HS3ST5: variants seen among roughly 807,000 people sequenced by gnomAD.
The protein encoded by HS3ST5 is heparan sulfate-glucosamine 3-sulfotransferase 5.
HS3ST5 carries 10 observed loss-of-function variants against 25.4 expected under a neutral mutation model. The ratio of observed to expected loss-of-function variants is 0.39; its 90% CI spans 0.24 to 0.67. The LOEUF is 0.67. Ranked by LOEUF, HS3ST5 falls within the 30% of genes least tolerant of loss-of-function variation. The pLI is 0.44. For missense variants in HS3ST5, 324 were observed against 420.7 expected (o/e 0.77, Z 2.01); for synonymous variants, 170 against 162.4 (o/e 1.05, Z -0.36).
At chr6:114,064,506 A>G (rs1410179252) in intron 3 of HS3ST5, among the ~76,000 whole-genome samples, 2 of 152,216 alleles carry the variant, frequency 1.3e-5, no homozygotes, top group African/African-American at 4.8e-5. Context: ...GGAATGTACT[A>G]TGTGAATTGC....
chr6:114,066,279 T>C (rs1773441950), intron 3 of HS3ST5, among the ~76,000 whole-genome samples: 1 of 152,236 alleles, frequency 6.6e-6, no homozygotes. Context: ...TATGGCAAGT[T>C]TGCAGAGCCT....
intron 3 of HS3ST5, among the ~76,000 whole-genome samples, chr6:114,124,276 C>G (rs549308896): frequency 1.3e-5 from 2 of 152,266 alleles, no homozygotes; most frequent in Non-Finnish European, 1.5e-5. Flanking sequence ...AGTCCCAACC[C>G]AGGTCAGACC....
chr6:114,107,140 G>A (rs1196096321), intron 3 of HS3ST5, among the ~76,000 whole-genome samples: 2 of 152,018 alleles, frequency 1.3e-5, no homozygotes, highest in African/African-American at 2.4e-5. Context: ...CTTCCCAAAA[G>A]TTTTATATTC....
At chr6:114,191,142 A>G (rs1780482029) in intron 2 of HS3ST5, among the ~76,000 whole-genome samples, 1 of 152,172 alleles carries the variant, frequency 6.6e-6, no homozygotes, top group Non-Finnish European at 1.5e-5. Flanking sequence ...TAGACTCACA[A>G]AAGGATCCCA....
chr6:114,309,314 G>GT (rs1775433709), intron 1 of HS3ST5, among the ~76,000 whole-genome samples: 1 of 152,158 alleles, frequency 6.6e-6, no homozygotes, highest in African/African-American at 2.4e-5. Context: ...GCAGTAATAG[G>GT]TAAAAACCTC....
chr6:114,250,386 C>G (rs1279568915), intron 1 of HS3ST5, among the ~76,000 whole-genome samples: 2 of 152,112 alleles, frequency 1.3e-5, no homozygotes, highest in Non-Finnish European at 2.9e-5. Context: ...TCGAGACCAT[C>G]CTGGCTAACA....
intron 2 of HS3ST5, among the ~76,000 whole-genome samples, chr6:114,197,123 TCTTTC>T (rs1405618357): frequency 7.5e-6 from 1 of 133,100 alleles, no homozygotes; most frequent in South Asian, 2.2e-4. Context: ...TTTCTTTCTT[TCTTTC>T]TTTTTTTTTT....
chr6:114,067,669 G>C (rs995694391), intron 3 of HS3ST5, among the ~76,000 whole-genome samples: 3 of 152,102 alleles, frequency 2.0e-5, no homozygotes, highest in Non-Finnish European at 4.4e-5. Context: ...CCAGCATTTT[G>C]TTTGCAAGGC....
At chr6:114,328,542 CT>C (rs1776264673) in intron 1 of HS3ST5, among the ~76,000 whole-genome samples, 1 of 152,158 alleles carries the variant, frequency 6.6e-6, no homozygotes, top group Non-Finnish European at 1.5e-5. Context: ...GTCTTTCTTT[CT>C]TTTTGTAAAA....
intron 1 of HS3ST5, among the ~76,000 whole-genome samples, chr6:114,241,412 C>A (rs531646472): frequency 2.4e-4 from 36 of 152,188 alleles, no homozygotes; most frequent in African/African-American, 8.4e-4. Context: ...ACTTCTGAAG[C>A]AATGTTCTCC....
chr6:114,102,875 G>T (rs1477238528), intron 3 of HS3ST5, among the ~76,000 whole-genome samples: 1 of 151,998 alleles, frequency 6.6e-6, no homozygotes, highest in African/African-American at 2.4e-5. Flanking sequence ...TCCAGACCAA[G>T]ATAAAATTTT....
intron 1 of HS3ST5, among the ~76,000 whole-genome samples, chr6:114,339,483 AC>A (rs1301001224): frequency 3.3e-5 from 5 of 152,170 alleles, no homozygotes; most frequent in African/African-American, 1.2e-4. Flanking sequence ...TTTTTAAAAA[AC>A]GTTACTGTTT....
intron 1 of HS3ST5, among the ~76,000 whole-genome samples, chr6:114,320,889 A>G (rs1775938008): frequency 6.8e-6 from 1 of 148,138 alleles, no homozygotes; most frequent in Admixed American, 6.8e-5. Flanking sequence ...AGTACATAGG[A>G]AGTGCTCTCT....
intron 3 of HS3ST5, among the ~76,000 whole-genome samples, chr6:114,105,937 T>A (rs181263592): frequency 1.3e-3 from 195 of 152,282 alleles, no homozygotes; most frequent in African/African-American, 4.4e-3. Context: ...CTTTTACAAA[T>A]GGATTTGACT....
intron 3 of HS3ST5, among the ~76,000 whole-genome samples, chr6:114,167,169 T>C (rs1050095480): frequency 1.3e-5 from 2 of 152,190 alleles, no homozygotes; most frequent in African/African-American, 2.4e-5. Flanking sequence ...ATAAATGTTA[T>C]TGTTATCAAT....
At chr6:114,242,072 G>A (rs1049650080) in intron 1 of HS3ST5, among the ~76,000 whole-genome samples, 3 of 152,008 alleles carry the variant, frequency 2.0e-5, no homozygotes, top group Non-Finnish European at 2.9e-5. Flanking sequence ...AATTCAATTC[G>A]TAGTCTATAA....
chr6:114,090,697 A>G (rs2114792716), intron 3 of HS3ST5, among the ~76,000 whole-genome samples: 1 of 152,366 alleles, frequency 6.6e-6, no homozygotes, highest in Non-Finnish European at 1.5e-5. Context: ...CAACGAAATA[A>G]AGTGAAGCAA....
chr6:114,252,885 A>ATTT (rs200398338), intron 1 of HS3ST5, among the ~76,000 whole-genome samples: 1 of 147,766 alleles, frequency 6.8e-6, no homozygotes, highest in Non-Finnish European at 1.5e-5. Context: ...TGGTAACCAC[A>ATTT]TTTTTTTTTT....
At chr6:114,169,186 C>T (rs894777422) in intron 2 of HS3ST5, among the ~76,000 whole-genome samples, 2 of 152,140 alleles carry the variant, frequency 1.3e-5, no homozygotes, top group Admixed American at 6.6e-5. Context: ...CATCATTTCA[C>T]TAATATATAT....
Sources: gnomAD v4.1 joint callset for allele counts (sites outside exome capture counted in the v4.1 genomes callset) on GRCh38, gnomAD v4.1.1 for gene constraint, MANE v1.5 for transcripts, NCBI Gene and HGNC (gene_info 2026-07-23, HGNC 2026-07-21) for gene names.